The following CHD7 variants were observed in gnomAD, a reference collection of about 807,000 sequenced individuals.
CHD7 encodes chromodomain helicase DNA binding protein 7.
CHD7 carries 24 observed loss-of-function variants against 307.3 expected under a neutral mutation model. The ratio of observed to expected loss-of-function variants is 0.08; its 90% CI spans 0.06 to 0.11. The LOEUF is 0.11. CHD7 is among the 10% of genes least tolerant of loss of function. The pLI is 1.00. For synonymous variants in CHD7, 1,363 were observed against 1,349.9 expected (o/e 1.01, Z -0.21); for missense variants, 3,106 against 3,727.1 (o/e 0.83, Z 4.34).
chr8:60,783,263 T>A (rs1441044378), intron 3 of CHD7, among the ~76,000 whole-genome samples: 1 of 152,246 alleles, frequency 6.6e-6, no homozygotes, highest in Admixed American at 6.5e-5. Context: ...TGTAGAGTCC[T>A]TTGGGGCAGA....
At chr8:60,746,794 A>G (rs1458064256) in intron 2 of CHD7, among the ~76,000 whole-genome samples, 6 of 152,240 alleles carry the variant, frequency 3.9e-5, no homozygotes, top group East Asian at 3.8e-4. Flanking sequence ...TCAGATCACA[A>G]TGTGAAAAAT....
At chr8:60,714,922 C>T (rs1461552712) in intron 1 of CHD7, among the ~76,000 whole-genome samples, 1 of 152,196 alleles carries the variant, frequency 6.6e-6, no homozygotes, top group East Asian at 1.9e-4. Context: ...TGAATGAATG[C>T]GGTGGAGCAT....
At chr8:60,740,361 GTC>G (rs1563557627) in intron 1 of CHD7, among the ~76,000 whole-genome samples, 1 of 152,222 alleles carries the variant, frequency 6.6e-6, no homozygotes, top group Non-Finnish European at 1.5e-5. Flanking sequence ...AATAGTTGGT[GTC>G]CACAAAGTAT....
chr8:60,724,659 G>T (rs1189989340), intron 1 of CHD7, among the ~76,000 whole-genome samples: 1 of 152,080 alleles, frequency 6.6e-6, no homozygotes, highest in Non-Finnish European at 1.5e-5. Context: ...CCTTTTTTCT[G>T]CATGCCTTCC....
chr8:60,751,352 A>G (rs984679731), intron 2 of CHD7, among the ~76,000 whole-genome samples: 1 of 152,076 alleles, frequency 6.6e-6, no homozygotes, highest in African/African-American at 2.4e-5. Context: ...CTTCCCTGTT[A>G]TAATAATCTT....
At chr8:60,771,532 A>G (rs931429946) in intron 2 of CHD7, among the ~76,000 whole-genome samples, 5 of 152,174 alleles carry the variant, frequency 3.3e-5, no homozygotes, top group Non-Finnish European at 7.3e-5. Flanking sequence ...TGTACCACAA[A>G]CTTTATGGCT....
At chr8:60,820,133 A>T in intron 9 of CHD7, 43 bp downstream of exon 9, 3 of 1,298,476 alleles carry the variant, frequency 2.3e-6, no homozygotes, top group Non-Finnish European at 3.3e-6. Flanking sequence ...GATTCAGGCA[A>T]CCCATACATG....
intron 8 of CHD7, among the ~76,000 whole-genome samples, chr8:60,819,601 A>G (rs1011473971): frequency 6.6e-6 from 1 of 152,110 alleles, no homozygotes; most frequent in Non-Finnish European, 1.5e-5. Context: ...GCATCGGACA[A>G]CTCCAGGAGT....
intron 1 of CHD7, among the ~76,000 whole-genome samples, chr8:60,680,120 G>C (rs938168341): frequency 6.6e-6 from 1 of 151,818 alleles, no homozygotes; most frequent in Non-Finnish European, 1.5e-5. Context: ...AACCCGCCGG[G>C]GGTCAGCGCC....
chr8:60,836,193 C>A lies in CHD7; in HGVS notation c.3899C>A (p.Pro1300Gln), dbSNP rs185150226. The part of the protein sequence containing the change: ...GKLVLIDKLL[P>Q]KLKAGGHRVL... ...CTAGTGCTGATTGACAAGCTGCTGC[C>A]AAAACTGAAGGCTGGTGGCCACAGG... Residue 1300 changes from proline (P) to glutamine (Q), a missense_variant, in exon 16 of 38, where the codon CCA becomes CAA. By Grantham distance (76) the Pro-to-Gln change is moderately conservative (BLOSUM62 -1). This residue lies in a region of CHD7 where 232 missense variants were observed against 422.5 expected (regional missense o/e 0.55). Coordinates refer to ENST00000423902, the MANE Select transcript of CHD7 (RefSeq NM_017780.4). The A allele has an allele frequency of 1.4e-5, 22 of 1,613,938 alleles. No homozygotes were observed. In the East Asian group the frequency reaches 4.9e-4, roughly 36 times the overall value.
Position 60,853,472 on chromosome 8 carries a change from T to A in CHD7, c.6747T>A (p.Asp2249Glu), listed in dbSNP as rs751843304. ...EDEEEKLEDD[D>E]KSEESSQPEA... ...AAGAGGAAAAGCTGGAGGATGACGA[T>A]AAGTCGGAAGAGTCTTCCCAGCCCG... Residue 2249 changes from aspartate to glutamate, a missense_variant, in exon 31 of 38, where the codon GAT (aspartate) becomes GAA (glutamate). Transcript: ENST00000423902. 7 of 1,516,726 alleles carry A rather than the reference T, an allele frequency of 4.6e-6. No homozygotes were observed. The East Asian group carries it at 9.1e-5, about 20-fold the overall frequency. The allele number at this position is 1,516,726 out of a possible 1,614,324, so 94.0% of individuals were successfully genotyped here. A position where few individuals can be genotyped will look rare whatever the true frequency, so the allele number is the denominator to read the frequency against.
At chr8:60,752,406 A>G (rs1447463545) in intron 2 of CHD7, among the ~76,000 whole-genome samples, 1 of 152,202 alleles carries the variant, frequency 6.6e-6, no homozygotes, top group Non-Finnish European at 1.5e-5. Flanking sequence ...GGTTTGCAAT[A>G]TTAGCATAGG....
intron 2 of CHD7, among the ~76,000 whole-genome samples, chr8:60,758,910 C>CT (rs1810026059): frequency 6.6e-6 from 1 of 152,142 alleles, no homozygotes; most frequent in Non-Finnish European, 1.5e-5. Flanking sequence ...AGTTGGCTTA[C>CT]TTTTTTTCCT....
intron 2 of CHD7, among the ~76,000 whole-genome samples, chr8:60,770,747 T>C (rs966802221): frequency 6.6e-6 from 1 of 152,228 alleles, no homozygotes. Flanking sequence ...TTTAAAATGC[T>C]CTTTTGCTTA....
At chr8:60,728,333 A>G (rs575870003) in intron 1 of CHD7, among the ~76,000 whole-genome samples, 1 of 152,172 alleles carries the variant, frequency 6.6e-6, no homozygotes, top group African/African-American at 2.4e-5. Context: ...CCCTACCCCA[A>G]CCCAAAACCC....
At chr8:60,808,311 A>G (rs1812632613) in intron 7 of CHD7, 39 bp downstream of exon 7, 3 of 1,192,732 alleles carry the variant, frequency 2.5e-6, no homozygotes, top group Non-Finnish European at 2.4e-6. Flanking sequence ...GGGGGGCTAT[A>G]TTTTCCAAGT....
chr8:60,712,944 G>T (rs1807355539), intron 1 of CHD7, among the ~76,000 whole-genome samples: 1 of 151,688 alleles, frequency 6.6e-6, no homozygotes, highest in Non-Finnish European at 1.5e-5. Context: ...CCAGCTACCT[G>T]GGGGGCTGAG....
At chr8:60,794,465 C>G (rs1301180532) in intron 3 of CHD7, among the ~76,000 whole-genome samples, 1 of 152,096 alleles carries the variant, frequency 6.6e-6, no homozygotes, top group Admixed American at 6.5e-5. Flanking sequence ...TTATGTACAA[C>G]AGGAAATTGC....
Position 60,860,972 on chromosome 8 carries a change from T to C in CHD7, c.7677T>C (p.Ser2559=). 2.5e-6 allele frequency: 4 copies of C among 1,614,002 alleles called. No homozygotes were observed. Among genetic ancestry groups the C allele is most frequent in the Non-Finnish European group, 3.4e-6 (4 of 1,179,888 alleles). The change falls in exon 35 of 38, where the codon TCT becomes TCC. Residue 2559 remains serine (S), a synonymous_variant. Coordinates refer to ENST00000423902, the MANE Select transcript of CHD7 (RefSeq NM_017780.4). ...IETPPTRNIP[S]PGQLDPDTRI... ...CCCCACCAACAAGAAACATTCCTTC[T>C]CCCGGACAGCTGGACCCAGACACAC...
Sources: allele counts gnomAD v4.1 joint callset (sites outside exome capture counted in the v4.1 genomes callset), GRCh38; gene constraint gnomAD v4.1.1; regional missense constraint gnomAD v4.1.1; transcripts MANE v1.5; gene names NCBI Gene and HGNC (gene_info 2026-07-23, HGNC 2026-07-21).